Variants in TMEM17 observed in about 807,000 individuals in gnomAD.
The protein encoded by TMEM17 is transmembrane protein 17.
A neutral mutation model predicts 19.1 loss-of-function variants in TMEM17; 15 were observed. The ratio of observed to expected loss-of-function variants is 0.78; its 90% CI spans 0.52 to 1.21. The LOEUF is 1.21. Among genes scored for constraint, TMEM17 ranks in the 50% most tolerant of loss-of-function variants. The probability of loss-of-function intolerance (pLI) is 0.00; values close to 1 mark genes in which losing one functional copy is unlikely to be tolerated. For synonymous variants in TMEM17, 103 were observed against 86.9 expected (o/e 1.19, Z -1.03); for missense variants, 245 against 242.3 (o/e 1.01, Z -0.07).
chr2:62,481,421 AT>A, the TMEM17 span, among the ~76,000 whole-genome samples: 2 of 151,652 alleles, frequency 1.3e-5, no homozygotes, highest in Non-Finnish European at 2.9e-5. Flanking sequence ...GCCCTTTATT[AT>A]TTTTTTTCTC....
At chr2:62,496,379 T>C (rs930779541), downstream of TMEM17, among the ~76,000 whole-genome samples, 2 of 152,186 alleles carry the variant, frequency 1.3e-5, no homozygotes, top group Admixed American at 1.3e-4. Flanking sequence ...TACAATGTTA[T>C]GTATAAAAGA....
chr2:62,472,540 T>A, the TMEM17 span, among the ~76,000 whole-genome samples: 3 of 152,214 alleles, frequency 2.0e-5, no homozygotes, highest in African/African-American at 7.2e-5. Context: ...GAGGCTAGTC[T>A]GCTGGGGATG....
the TMEM17 span, among the ~76,000 whole-genome samples, chr2:62,459,810 G>A: frequency 6.6e-6 from 1 of 152,216 alleles, no homozygotes; most frequent in African/African-American, 2.4e-5. Context: ...TGCCCAGGCT[G>A]GAGTATGGTT....
chr2:62,492,225 G>A, the TMEM17 span, among the ~76,000 whole-genome samples: 13 of 152,182 alleles, frequency 8.5e-5, no homozygotes, highest in African/African-American at 3.1e-4. Context: ...ACAAGGTTAG[G>A]TCTAAATTCT....
the TMEM17 span, among the ~76,000 whole-genome samples, chr2:62,460,487 C>T: frequency 6.6e-6 from 1 of 152,206 alleles, no homozygotes; most frequent in East Asian, 1.9e-4. Flanking sequence ...AAACCTTTTA[C>T]TCCCTTTTTA....
intron 3 of TMEM17, 160 bp downstream of exon 3, chr2:62,502,277 G>T: frequency 2.0e-6 from 1 of 489,306 alleles, no homozygotes; most frequent in Non-Finnish European, 3.7e-6. Context: ...CAGGGCTCAA[G>T]AGATTAAGCA....
At chr2:62,498,080 T>C (rs1679816201), downstream of TMEM17, among the ~76,000 whole-genome samples, 1 of 152,246 alleles carries the variant, frequency 6.6e-6, no homozygotes, top group Non-Finnish European at 1.5e-5. Context: ...TAAGTTTCAA[T>C]GTTTTAAAAC....
intron 1 of TMEM17, among the ~76,000 whole-genome samples, chr2:62,503,952 T>C (rs1035698458): frequency 2.6e-5 from 4 of 152,240 alleles, no homozygotes; most frequent in Non-Finnish European, 4.4e-5. Flanking sequence ...AATTTGATTT[T>C]TAAAATTGAG....
downstream of TMEM17, among the ~76,000 whole-genome samples, chr2:62,495,534 T>C (rs1035853291): frequency 1.3e-5 from 2 of 152,220 alleles, no homozygotes; most frequent in Admixed American, 1.3e-4. Flanking sequence ...AATAAAGATA[T>C]ATACCCATAA....
At chr2:62,472,699 G>T in the TMEM17 span, among the ~76,000 whole-genome samples, 721 of 152,300 alleles carry the variant, frequency 4.7e-3, 8 homozygotes, top group African/African-American at 0.016. Flanking sequence ...TGGGCAATGG[G>T]GTGGTAGATT....
chr2:62,476,559 A>T, the TMEM17 span, among the ~76,000 whole-genome samples: 1 of 152,360 alleles, frequency 6.6e-6, no homozygotes, highest in East Asian at 1.9e-4. Context: ...TGATAAACCC[A>T]TTGTAAAGTT....
chr2:62,486,951 G>A, the TMEM17 span, among the ~76,000 whole-genome samples: 4 of 151,984 alleles, frequency 2.6e-5, no homozygotes, highest in African/African-American at 9.7e-5. Flanking sequence ...AGGGGGTGAT[G>A]TGGGGTCGGG....
chr2:62,464,456 C>G, the TMEM17 span, among the ~76,000 whole-genome samples: 1 of 152,228 alleles, frequency 6.6e-6, no homozygotes, highest in Non-Finnish European at 1.5e-5. Flanking sequence ...ACCCCTGTCA[C>G]GAGTCCCACA....
chr2:62,487,935 T>TCCG, the TMEM17 span, among the ~76,000 whole-genome samples: 1 of 152,220 alleles, frequency 6.6e-6, no homozygotes, highest in Non-Finnish European at 1.5e-5. Flanking sequence ...CCTGAGGTGA[T>TCCG]CCGCCTGCCT....
At chr2:62,496,908 T>C (rs1679792354), downstream of TMEM17, among the ~76,000 whole-genome samples, 1 of 152,166 alleles carries the variant, frequency 6.6e-6, no homozygotes. Context: ...GACCTATGAT[T>C]GTGCCACTGC....
At chr2:62,493,457 C>T in the TMEM17 span, among the ~76,000 whole-genome samples, 1 of 152,146 alleles carries the variant, frequency 6.6e-6, no homozygotes, top group South Asian at 2.1e-4. Context: ...AACAAGAAAG[C>T]GCACAGTGAG....
chr2:62,491,925 C>CA, the TMEM17 span, among the ~76,000 whole-genome samples: 4,369 of 108,112 alleles, frequency 0.04, 80 homozygotes, highest in African/African-American at 0.066. Context: ...GGCAAAAAAC[C>CA]AAAAAAAAAA....
chr2:62,480,830 T>G, the TMEM17 span, among the ~76,000 whole-genome samples: 1 of 152,218 alleles, frequency 6.6e-6, no homozygotes, highest in Non-Finnish European at 1.5e-5. Context: ...TTTGCAGGAC[T>G]GGTAGTATTA....
chr2:62,494,059 T>C, the TMEM17 span, among the ~76,000 whole-genome samples: 2 of 152,220 alleles, frequency 1.3e-5, no homozygotes, highest in African/African-American at 4.8e-5. Context: ...TACAGTCTTA[T>C]CATAAGGAAT....
Sources: allele counts gnomAD v4.1 joint callset (sites outside exome capture counted in the v4.1 genomes callset), GRCh38; gene constraint gnomAD v4.1.1; transcripts MANE v1.5; gene names NCBI Gene and HGNC (gene_info 2026-07-23, HGNC 2026-07-21).